The following CELF2 variants were observed in gnomAD, a reference collection of about 807,000 sequenced individuals.
The protein encoded by CELF2 is CUGBP Elav-like family member 2.
A neutral mutation model predicts 62.6 loss-of-function variants in CELF2; 8 were observed. That is an observed-to-expected ratio of 0.13 (90% CI 0.07 to 0.23). The LOEUF (loss-of-function observed/expected upper bound fraction) is 0.23. CELF2 is among the 10% of genes least tolerant of loss of function. CELF2 has a pLI of 1.00. For synonymous variants in CELF2, 258 were observed against 250.0 expected (o/e 1.03, Z -0.30); for missense variants, 333 against 671.0 (o/e 0.50, Z 5.56).
Position 11,165,314 on chromosome 10 carries a change from C to T in CELF2, c.75-172C>T. On this transcript the variant is annotated intron_variant, in intron 1 of 12. Coordinates refer to ENST00000633077, the MANE Select transcript of CELF2 (RefSeq NM_001326342.2). The surrounding 1 kb of genome is among the most constrained non-coding windows in gnomAD (Gnocchi z 7.4). Reference sequence around the variant, plus strand: ...GCCTCGCCGCCGCCGAGGAGCAACTCATGGTGCCTCCGCTTTGTTTTAGTT... The same window carrying T: ...GCCTCGCCGCCGCCGAGGAGCAACTTATGGTGCCTCCGCTTTGTTTTAGTT... The T allele has an allele frequency of 1.4e-6, 2 of 1,413,568 alleles. No homozygotes were observed. The highest frequency in any genetic ancestry group is 1.8e-6 in the Non-Finnish European group (2 of 1,087,540). The allele number at this position is 1,413,568 out of a possible 1,614,324, so 87.6% of individuals were successfully genotyped here. A position where few individuals can be genotyped will look rare whatever the true frequency, so the allele number is the denominator to read the frequency against.
At chr10:11,086,175 G>A (rs916062975) in intron 1 of CELF2, among the ~76,000 whole-genome samples, 1 of 152,118 alleles carries the variant, frequency 6.6e-6, no homozygotes, top group Non-Finnish European at 1.5e-5. Flanking sequence ...GGATTATTCA[G>A]GATAATGCAG....
intron 1 of CELF2, among the ~76,000 whole-genome samples, chr10:10,858,658 C>T (rs926819446): frequency 2.0e-5 from 3 of 151,914 alleles, no homozygotes; most frequent in African/African-American, 7.3e-5. Context: ...TTTTGCAGTC[C>T]ATTATCCAGT....
chr10:10,701,708 C>T, the CELF2 span, among the ~76,000 whole-genome samples: 1 of 152,220 alleles, frequency 6.6e-6, no homozygotes, highest in Non-Finnish European at 1.5e-5. Flanking sequence ...AGTGGCAAAT[C>T]GCCCATAGGC....
At chr10:10,490,382 T>A in the CELF2 span, among the ~76,000 whole-genome samples, 2 of 152,136 alleles carry the variant, frequency 1.3e-5, no homozygotes, top group Non-Finnish European at 2.9e-5. Context: ...GGAAAATGCC[T>A]TTGTCCAGGA....
the CELF2 span, among the ~76,000 whole-genome samples, chr10:10,519,105 A>C: frequency 6.6e-6 from 1 of 152,324 alleles, no homozygotes; most frequent in East Asian, 1.9e-4. Context: ...GAGGTGACCC[A>C]AGCCATAAGC....
At chr10:10,546,481 GA>G in the CELF2 span, among the ~76,000 whole-genome samples, 2 of 152,170 alleles carry the variant, frequency 1.3e-5, no homozygotes, top group African/African-American at 4.8e-5. Flanking sequence ...TCAGGTAGAT[GA>G]AACTTGTGTC....
At chr10:10,500,522 T>TTC in the CELF2 span, among the ~76,000 whole-genome samples, 10 of 152,172 alleles carry the variant, frequency 6.6e-5, no homozygotes, top group Non-Finnish European at 1.3e-4. Flanking sequence ...AAAGCACAAA[T>TTC]TCTCTCTTGC....
chr10:10,926,279 G>T (rs2134951910), intron 2 of CELF2, among the ~76,000 whole-genome samples: 1 of 152,210 alleles, frequency 6.6e-6, no homozygotes, highest in South Asian at 2.1e-4. Context: ...GTCATGAGCG[G>T]ATCAATGCCA....
chr10:11,066,694 G>A (rs2068256537), intron 1 of CELF2, among the ~76,000 whole-genome samples: 1 of 152,156 alleles, frequency 6.6e-6, no homozygotes, highest in Admixed American at 6.5e-5. Flanking sequence ...GCACTGTGTG[G>A]ATCAAGGTGT....
chr10:10,602,228 T>C, the CELF2 span, among the ~76,000 whole-genome samples: 1 of 152,194 alleles, frequency 6.6e-6, no homozygotes, highest in Non-Finnish European at 1.5e-5. Context: ...GCGTTTCAGT[T>C]CTTTCTTCCT....
rs1341370956 is a variant in CELF2 at position 11,220,039 on chromosome 10, C to T, written c.354+2532C>T. Among the ~76,000 whole-genome samples the T allele has an allele frequency of 1.3e-5, 2 of 152,196 alleles. No homozygotes were observed. Among genetic ancestry groups the T allele is most frequent in the Admixed American group, 6.5e-5 (1 of 15,282 alleles). ...AAATTAATAAGAAATTAATGATGCA[C>T]TTTGCCATATGCCTTCAATTTCTTT... On this transcript the variant is annotated intron_variant, in intron 3 of 12. Transcript: ENST00000633077. The surrounding 1 kb of genome is among the most constrained non-coding windows in gnomAD (Gnocchi z 4.4).
At chr10:10,891,924 G>A (rs901402204) in intron 1 of CELF2, among the ~76,000 whole-genome samples, 1 of 152,160 alleles carries the variant, frequency 6.6e-6, no homozygotes, top group Non-Finnish European at 1.5e-5. Context: ...CTGAGTGCTA[G>A]AAAAATCTAA....
At chr10:11,164,206 G>A (rs2066406099) in intron 1 of CELF2, among the ~76,000 whole-genome samples, 1 of 152,220 alleles carries the variant, frequency 6.6e-6, no homozygotes, top group South Asian at 2.1e-4. Flanking sequence ...CTGCCGAGAG[G>A]CATTCAGCCT....
intron 1 of CELF2, among the ~76,000 whole-genome samples, chr10:10,813,100 T>C (rs1192194180): frequency 7.2e-5 from 11 of 152,240 alleles, no homozygotes. Flanking sequence ...TCTCTTTATA[T>C]TGATCCTCAT....
rs113927896 is a variant in CELF2, at chr10:11,054,726, G to GT, written c.74+36570dup. ...AAGAAAAAGACTTTCTTTTCTAGTGGTTTTTTTCTTTGGAGTCTTGCTCTG... is the reference window on the plus strand; with the variant it reads ...AAGAAAAAGACTTTCTTTTCTAGTGGTTTTTTTTCTTTGGAGTCTTGCTCTG... On this transcript the variant is annotated intron_variant, in intron 1 of 12. Coordinates refer to ENST00000633077, the MANE Select transcript of CELF2 (RefSeq NM_001326342.2). Among the ~76,000 whole-genome samples the GT allele has an allele frequency of 4.9e-3, 740 of 152,136 alleles. 6 individuals are homozygous for GT. Among genetic ancestry groups the GT allele is most frequent in the African/African-American group, 0.017 (720 of 41,490 alleles).
At chr10:10,815,029 G>T (rs1444440426) in intron 1 of CELF2, among the ~76,000 whole-genome samples, 1 of 152,194 alleles carries the variant, frequency 6.6e-6, no homozygotes, top group Non-Finnish European at 1.5e-5. Context: ...GTGTCAGTCT[G>T]CCTTGTCAAA....
the CELF2 span, among the ~76,000 whole-genome samples, chr10:10,709,733 C>A: frequency 2.0e-5 from 3 of 152,310 alleles, no homozygotes; most frequent in East Asian, 5.8e-4. Context: ...CCAAAAAAGA[C>A]AACTTGTCTC....
chr10:10,538,402 C>T, the CELF2 span, among the ~76,000 whole-genome samples: 3 of 152,158 alleles, frequency 2.0e-5, no homozygotes, highest in Admixed American at 6.5e-5. Context: ...ATTGAGAGGG[C>T]CAAGTAGAGG....
At chr10:10,766,504 G>A in the CELF2 span, among the ~76,000 whole-genome samples, 24 of 152,312 alleles carry the variant, frequency 1.6e-4, no homozygotes, top group Non-Finnish European at 3.1e-4. Context: ...AAGGGGTCAG[G>A]TGTAAGGGAC....
Sources: allele counts gnomAD v4.1 joint callset (sites outside exome capture counted in the v4.1 genomes callset), GRCh38; gene constraint gnomAD v4.1.1; non-coding constraint Gnocchi (gnomAD v3.1); transcripts MANE v1.5; gene names NCBI Gene and HGNC (gene_info 2026-07-23, HGNC 2026-07-21).